Variants in SNX31 observed in about 807,000 individuals in gnomAD.
SNX31 encodes the protein sorting nexin 31, also known as sorting nexin-31.
A neutral mutation model predicts 65.4 loss-of-function variants in SNX31; 58 were observed. The ratio of observed to expected loss-of-function variants is 0.89; its 90% CI spans 0.72 to 1.10. The LOEUF (loss-of-function observed/expected upper bound fraction) is 1.10. Among genes scored for constraint, SNX31 ranks in the 50% least tolerant of loss-of-function variants. SNX31 has a pLI of 0.00. For missense variants in SNX31, 523 were observed against 529.7 expected, an observed-to-expected ratio of 0.99 and a Z score of 0.12; for synonymous variants, 181 against 190.1, an observed-to-expected ratio of 0.95 and a Z score of 0.39.
intron 2 of SNX31, among the ~76,000 whole-genome samples, chr8:100,644,445 A>T (rs13256165): frequency 0.39 from 59,791 of 151,898 alleles, 12,243 homozygotes; most frequent in East Asian, 0.49. Context: ...AGGGGCATAA[A>T]TCAAACTGGT....
At chr8:100,656,918 C>G (rs1232076441) in intron 1 of SNX31, among the ~76,000 whole-genome samples, 1 of 152,168 alleles carries the variant, frequency 6.6e-6, no homozygotes, top group Non-Finnish European at 1.5e-5. Context: ...TGACCCTGCT[C>G]TGTCCCAGTC....
rs1328659928 is a variant in SNX31, at chr8:100,626,053, C to T, written c.321+4274G>A. Reference sequence around the variant, plus strand: ...ACCAGCCTGACCAACATGGAGAAACCCCATCTCTACTAAAATACAAAAATT... The same window carrying T: ...ACCAGCCTGACCAACATGGAGAAACTCCATCTCTACTAAAATACAAAAATT... On this transcript the variant is annotated intron_variant, in intron 4 of 13. Transcript: ENST00000311812. This position sits in a 1 kb window ranked among gnomAD's most constrained non-coding sequence, Gnocchi z 4.4. Among the ~76,000 whole-genome samples the T allele has an allele frequency of 1.3e-5, 2 of 152,084 alleles. No homozygotes were observed. Among genetic ancestry groups the T allele is most frequent in the Admixed American group, 1.3e-4 (2 of 15,272 alleles).
At chr8:100,592,436 C>T (rs1048313012) in intron 10 of SNX31, among the ~76,000 whole-genome samples, 2 of 152,146 alleles carry the variant, frequency 1.3e-5, no homozygotes, top group Non-Finnish European at 2.9e-5. Context: ...TACCGTGTCA[C>T]ATCTATCTAC....
At position 100,612,107 on chromosome 8, in the gene SNX31, G is replaced by A. The variant is rs376102244; in HGVS notation, c.524-20C>T. On this transcript the variant is annotated intron_variant, in intron 6 of 13. Coordinates refer to ENST00000311812, the MANE Select transcript of SNX31 (RefSeq NM_152628.4). This position sits in a 1 kb window ranked among gnomAD's most constrained non-coding sequence, Gnocchi z 4.3. ...TCACAACTAGAGAAAGGAGAAAGCC[G>A]GTCTTACTGGTTGAAACAGCACAGA... The A allele has an allele frequency of 3.6e-5, 56 of 1,557,204 alleles. No individual in the cohort carries two copies. The highest frequency in any genetic ancestry group is 1.7e-4 in the Middle Eastern group (1 of 5,982).
At position 100,614,012 on chromosome 8, in the gene SNX31, G is replaced by A. The variant is rs1163003696; in HGVS notation, c.433-927C>T. Among the ~76,000 whole-genome samples, 1 of 152,142 alleles carries A rather than the reference G, an allele frequency of 6.6e-6. No homozygotes were observed. The highest frequency in any genetic ancestry group is 1.5e-5 in the Non-Finnish European group (1 of 68,018). ...TAGGTGGCAGTTGTACAAATACCAG[G>A]CTCACAGGGGGCCTTCTCTTGTCAG... On this transcript the variant is annotated intron_variant, in intron 5 of 13. Transcript: ENST00000311812. This position sits in a 1 kb window ranked among gnomAD's most constrained non-coding sequence, Gnocchi z 5.1.
intron 2 of SNX31, among the ~76,000 whole-genome samples, chr8:100,640,933 A>G (rs1819127761): frequency 6.6e-6 from 1 of 152,168 alleles, no homozygotes; most frequent in African/African-American, 2.4e-5. Flanking sequence ...AGGTCTGAAA[A>G]GTTATAGATT....
At chr8:100,636,343 G>C (rs1818773607) in intron 2 of SNX31, among the ~76,000 whole-genome samples, 1 of 152,166 alleles carries the variant, frequency 6.6e-6, no homozygotes, top group Non-Finnish European at 1.5e-5. Context: ...TTCCACAACA[G>C]TGTCTGTGAT....
chr8:100,596,331 C>T (rs956006590), intron 10 of SNX31, among the ~76,000 whole-genome samples: 10 of 152,214 alleles, frequency 6.6e-5, no homozygotes, highest in Non-Finnish European at 1.5e-4. Flanking sequence ...ACACTGAGCA[C>T]GTAGTAAGTG....
intron 8 of SNX31, among the ~76,000 whole-genome samples, 181 bp downstream of exon 8, chr8:100,608,313 T>G (rs2469668): frequency 0.38 from 54,462 of 144,164 alleles, 10,743 homozygotes; most frequent in Middle Eastern, 0.48. Flanking sequence ...CATCAAACAA[T>G]AACAACTTCT....
chr8:100,608,374 T>C (rs955904859), intron 8 of SNX31, 120 bp downstream of exon 8: 2 of 843,892 alleles, frequency 2.4e-6, no homozygotes, highest in Middle Eastern at 4.6e-4. Context: ...TCTGTCTCTA[T>C]GAATGTGCCT....
rs1816834218 is a variant in SNX31, at chr8:100,612,836, CA to C, written c.523+158del. 6.6e-6 allele frequency among the ~76,000 whole-genome samples: 1 copy of C among 152,156 alleles called. No individual in the cohort carries two copies. Among genetic ancestry groups the C allele is most frequent in the Non-Finnish European group, 1.5e-5 (1 of 68,020 alleles). Reference sequence around the variant, plus strand: ...CCCCCACTCTCCCCTAACAAGGACGCAACCTCCTATTCCCTAAACCCTTAAC... The same window carrying C: ...CCCCCACTCTCCCCTAACAAGGACGCACCTCCTATTCCCTAAACCCTTAAC... On this transcript the variant is annotated intron_variant, in intron 6 of 13. Coordinates refer to ENST00000311812, the MANE Select transcript of SNX31 (RefSeq NM_152628.4). The surrounding 1 kb of genome is among the most constrained non-coding windows in gnomAD (Gnocchi z 4.3).
intron 2 of SNX31, among the ~76,000 whole-genome samples, chr8:100,640,383 C>T (rs564919336): frequency 4.6e-5 from 7 of 152,238 alleles, no homozygotes; most frequent in Non-Finnish European, 1.0e-4. Flanking sequence ...ACCTTGGCCT[C>T]CCAAAATGTT....
intron 2 of SNX31, among the ~76,000 whole-genome samples, chr8:100,637,262 G>A (rs866407097): frequency 1.3e-5 from 2 of 152,316 alleles, no homozygotes; most frequent in Middle Eastern, 6.8e-3. Flanking sequence ...GTGGCAGCTT[G>A]AAGGTAAGGC....
rs1475915688 is a variant in SNX31, at chr8:100,622,968, A to C, written c.322-5238T>G. On this transcript the variant is annotated intron_variant, in intron 4 of 13. Transcript: ENST00000311812. This position sits in a 1 kb window ranked among gnomAD's most constrained non-coding sequence, Gnocchi z 5.0. ...GATGGACAAATCAGTTGGCAGCTGC[A>C]CTCACCTTCCTTCCACCTTCTATCA... 6.6e-6 allele frequency among the ~76,000 whole-genome samples: 1 copy of C among 152,080 alleles called. No homozygotes were observed. The highest frequency in any genetic ancestry group is 2.4e-5 in the African/African-American group (1 of 41,402).
At position 100,611,986 on chromosome 8, in the gene SNX31, C is replaced by A. The variant is rs1379681334; in HGVS notation, c.611+14G>T. On this transcript the variant is annotated intron_variant, in intron 7 of 13. Transcript: ENST00000311812. ...TGTCGTCAAACGCCTCTGTCACTTT[C>A]AGAACCTACTTACCACTTTCGGAGT... 1 of 1,609,138 alleles carries A rather than the reference C, an allele frequency of 6.2e-7. No homozygotes were observed. The highest frequency in any genetic ancestry group is 1.7e-4 in the Middle Eastern group (1 of 6,056).
At chr8:100,577,455 C>T (rs1377928562) in intron 12 of SNX31, among the ~76,000 whole-genome samples, 1 of 152,296 alleles carries the variant, frequency 6.6e-6, no homozygotes, top group East Asian at 1.9e-4. Flanking sequence ...AATCAAAAGC[C>T]ACCATTAATC....
chr8:100,618,206 G>T (rs1488181111), intron 4 of SNX31: 1 of 1,439,562 alleles, frequency 6.9e-7, no homozygotes, highest in Non-Finnish European at 9.2e-7. Context: ...GTGGGGTATA[G>T]TGGAGGCAAG....
At position 100,578,795 on chromosome 8, in the gene SNX31, C is replaced by T. The variant is rs1278048892; in HGVS notation, c.1171-1720G>A. On this transcript the variant is annotated intron_variant, in intron 12 of 13. Coordinates refer to ENST00000311812, the MANE Select transcript of SNX31 (RefSeq NM_152628.4). The surrounding 1 kb of genome is among the most constrained non-coding windows in gnomAD (Gnocchi z 4.7). The stretch of plus-strand genomic sequence containing the variant: ...AGAGTGCAGTGGCACAATCTTGGCT[C>T]ACTGCAACCTCCACCTCCTGGATTC... Among the ~76,000 whole-genome samples, 3 of 151,688 alleles carry T rather than the reference C, an allele frequency of 2.0e-5. No homozygotes were observed. The highest frequency in any genetic ancestry group is 4.4e-5 in the Non-Finnish European group (3 of 67,984).
chr8:100,621,149 A>C (rs927189889), intron 4 of SNX31, among the ~76,000 whole-genome samples: 30 of 152,152 alleles, frequency 2.0e-4, no homozygotes, highest in Non-Finnish European at 4.3e-4. Context: ...ATCTCAAAAA[A>C]ACAAAAACCA....
Sources: allele counts gnomAD v4.1 joint callset (sites outside exome capture counted in the v4.1 genomes callset), GRCh38; gene constraint gnomAD v4.1.1; non-coding constraint Gnocchi (gnomAD v3.1); transcripts MANE v1.5; gene names NCBI Gene and HGNC (gene_info 2026-07-23, HGNC 2026-07-21).